RNLS: variants seen among roughly 807,000 people sequenced by gnomAD.
RNLS encodes renalase, FAD dependent amine oxidase, also known as renalase.
RNLS carries 39 observed loss-of-function variants against 39.8 expected under a neutral mutation model. The observed-to-expected ratio is 0.98, with a 90% CI of 0.76 to 1.28. The LOEUF (loss-of-function observed/expected upper bound fraction) is 1.28, where lower values mean the gene tolerates loss of function less well. Among genes scored for constraint, RNLS ranks in the 50% most tolerant of loss-of-function variants. RNLS has a pLI of 0.00. For synonymous variants in RNLS, 147 were observed against 150.7 expected, an observed-to-expected ratio of 0.98 and a Z score of 0.18; for missense variants, 410 against 413.3, an observed-to-expected ratio of 0.99 and a Z score of 0.07.
chr10:88,350,949 T>C (rs1043275274), intron 5 of RNLS, among the ~76,000 whole-genome samples: 4 of 152,198 alleles, frequency 2.6e-5, no homozygotes, highest in Non-Finnish European at 4.4e-5. Context: ...TGATATCTCA[T>C]TGTGGTTTTG....
chr10:88,296,810 C>T (rs1321438835), intron 6 of RNLS, among the ~76,000 whole-genome samples: 1 of 152,120 alleles, frequency 6.6e-6, no homozygotes, highest in African/African-American at 2.4e-5. Context: ...CCTTATGCCC[C>T]ACTGCAGTTA....
chr10:88,303,173 G>A (rs1844655753), intron 6 of RNLS, among the ~76,000 whole-genome samples: 1 of 152,222 alleles, frequency 6.6e-6, no homozygotes, highest in South Asian at 2.1e-4. Context: ...TAATCACCAT[G>A]GAAATCAAGT....
At chr10:88,328,767 G>T (rs1698484318) in intron 5 of RNLS, among the ~76,000 whole-genome samples, 1 of 151,814 alleles carries the variant, frequency 6.6e-6, no homozygotes, top group African/African-American at 2.4e-5. Context: ...TATTTCTTTG[G>T]TTCTATCTTA....
At chr10:88,370,774 C>A (rs1850493761) in intron 4 of RNLS, among the ~76,000 whole-genome samples, 1 of 152,098 alleles carries the variant, frequency 6.6e-6, no homozygotes, top group South Asian at 2.1e-4. Context: ...ATAAACAGTT[C>A]TCCTAGCAGA....
chr10:88,302,528 TTA>T (rs1174355736), intron 6 of RNLS, among the ~76,000 whole-genome samples: 1 of 152,220 alleles, frequency 6.6e-6, no homozygotes, highest in African/African-American at 2.4e-5. Flanking sequence ...TTGTATTTCT[TTA>T]GTTACCTCTA....
the RNLS span, among the ~76,000 whole-genome samples, chr10:88,188,372 T>C: frequency 6.6e-6 from 1 of 152,220 alleles, no homozygotes; most frequent in African/African-American, 2.4e-5. Flanking sequence ...TGTTTCTTTA[T>C]CTTAAAGCCG....
chr10:88,220,972 G>A, the RNLS span, among the ~76,000 whole-genome samples: 11 of 152,292 alleles, frequency 7.2e-5, no homozygotes, highest in East Asian at 1.3e-3. Context: ...GTTTGAGGTC[G>A]TCTAAGTGCC....
chr10:88,298,135 T>C (rs1844223981), intron 6 of RNLS, among the ~76,000 whole-genome samples: 1 of 152,212 alleles, frequency 6.6e-6, no homozygotes, highest in Non-Finnish European at 1.5e-5. Flanking sequence ...GGAAAATGTC[T>C]ATTCAACTCC....
intron 5 of RNLS, among the ~76,000 whole-genome samples, chr10:88,321,116 G>T (rs1237782953): frequency 6.6e-6 from 1 of 151,876 alleles, no homozygotes; most frequent in Non-Finnish European, 1.5e-5. Context: ...GACCACAGTG[G>T]AATAAAATCA....
At chr10:88,461,804 C>A (rs7904229) in intron 4 of RNLS, among the ~76,000 whole-genome samples, 81,496 of 151,828 alleles carry the variant, frequency 0.54, 22,919 homozygotes, top group African/African-American at 0.73. Flanking sequence ...TTTTATGAAG[C>A]CCAAAGAAAG....
chr10:88,406,828 G>T (rs1452062576), intron 4 of RNLS, among the ~76,000 whole-genome samples: 2 of 151,986 alleles, frequency 1.3e-5, no homozygotes, highest in Non-Finnish European at 2.9e-5. Flanking sequence ...TCAACAAGTG[G>T]ATAAAGAAAC....
chr10:88,397,898 T>C (rs1852659216), intron 4 of RNLS, among the ~76,000 whole-genome samples: 1 of 151,862 alleles, frequency 6.6e-6, no homozygotes, highest in Non-Finnish European at 1.5e-5. Flanking sequence ...TCTAGATCAA[T>C]GAAATAAAAT....
chr10:88,547,152 A>G (rs1848358096), intron 4 of RNLS, among the ~76,000 whole-genome samples: 3 of 152,200 alleles, frequency 2.0e-5, no homozygotes, highest in Non-Finnish European at 4.4e-5. Flanking sequence ...ATCTTCAGAG[A>G]TGTCAGGTTC....
rs527559152 is a variant in RNLS, at chr10:88,285,532, A to G, written c.877-26T>C. ...CTGAAAAAGTAAAAAGAGGATTGCA[A>G]TTGACATTCTGTGCTCTATTGTGCT... is the stretch of plus-strand genomic sequence containing the variant. On this transcript the variant is annotated intron_variant, in intron 6 of 6. Transcript: ENST00000331772. The G allele has an allele frequency of 4.7e-5, 75 of 1,602,488 alleles. 1 individual carries two copies. In the South Asian group the frequency reaches 7.2e-4, roughly 15 times the overall value.
intron 5 of RNLS, among the ~76,000 whole-genome samples, chr10:88,354,544 C>G (rs535289967): frequency 2.6e-5 from 4 of 151,980 alleles, no homozygotes; most frequent in Middle Eastern, 3.2e-3. Flanking sequence ...GAATATTGGC[C>G]CCCCCTCTCT....
chr10:88,460,561 C>T (rs964236745), intron 4 of RNLS, among the ~76,000 whole-genome samples: 7 of 152,036 alleles, frequency 4.6e-5, no homozygotes, highest in African/African-American at 1.5e-4. Flanking sequence ...CATTACTATC[C>T]CTCCTCCCCA....
intron 4 of RNLS, among the ~76,000 whole-genome samples, chr10:88,447,996 C>G (rs1842140549): frequency 6.6e-6 from 1 of 152,152 alleles, no homozygotes; most frequent in Non-Finnish European, 1.5e-5. Context: ...ACACCTTATA[C>G]AAAAATTAAT....
At chr10:88,379,967 G>A (rs570592618) in intron 4 of RNLS, among the ~76,000 whole-genome samples, 3 of 152,210 alleles carry the variant, frequency 2.0e-5, no homozygotes, top group Admixed American at 6.5e-5. Flanking sequence ...CTTTCCAGCC[G>A]AGACCCCAGA....
intron 4 of RNLS, among the ~76,000 whole-genome samples, chr10:88,500,390 T>A (rs1323768444): frequency 6.6e-6 from 1 of 152,184 alleles, no homozygotes; most frequent in East Asian, 1.9e-4. Context: ...ATCTGTATTT[T>A]CCAAACTAGA....
Sources: allele counts gnomAD v4.1 joint callset (sites outside exome capture counted in the v4.1 genomes callset), GRCh38; gene constraint gnomAD v4.1.1; transcripts MANE v1.5; gene names NCBI Gene and HGNC (gene_info 2026-07-23, HGNC 2026-07-21).